The following P3H3 variants were observed in gnomAD, a reference collection of about 807,000 sequenced individuals.
P3H3 encodes gene rich cluster, B.
A neutral mutation model predicts 78.1 loss-of-function variants in P3H3; 64 were observed. That is an observed-to-expected ratio of 0.82 (90% confidence interval 0.67 to 1.01). The LOEUF (loss-of-function observed/expected upper bound fraction) is 1.01. P3H3 is among the 50% of genes least tolerant of loss of function. P3H3 has a pLI of 0.00. For synonymous variants in P3H3, 425 were observed against 416.7 expected (o/e 1.02, Z -0.24); for missense variants, 975 against 982.2 (o/e 0.99, Z 0.10).
In P3H3 at chr12:6,839,020, T is replaced by C; in HGVS notation, c.1926T>C (p.Cys642=). The C allele has an allele frequency of 6.2e-7, 1 of 1,607,274 alleles. No homozygotes were observed. Among genetic ancestry groups the C allele is most frequent in the Non-Finnish European group, 8.5e-7 (1 of 1,176,952 alleles). The part of the protein sequence containing the change: ...LTVTARVRPR[C]GRLVAFSSGV... ...TCCAGGCTCGGGTGCGTCCTCGCTG[T>C]GGGCGCCTTGTGGCCTTCAGCTCCG... is the stretch of plus-strand genomic sequence containing the variant. The change falls in exon 14 of 15, where the codon TGT becomes TGC. Residue 642 remains cysteine, a synonymous_variant. Transcript: ENST00000290510.
In P3H3 at chr12:6,830,643, C is replaced by T. The variant is rs1210067355; in HGVS notation, c.858C>T (p.His286=). ...QGGLYEAIAG[H]WIQVLQCRQR... The stretch of plus-strand genomic sequence containing the variant: ...GCTTATGGGTTTCCTCTGCAGGACA[C>T]TGGATTCAGGTCCTGCAGTGCCGGC... The change falls in exon 4 of 15, where the codon CAC becomes CAT. Residue 286 remains histidine, a synonymous_variant. Coordinates refer to ENST00000290510, the MANE Select transcript of P3H3 (RefSeq NM_014262.5). 1 of 1,611,368 alleles carries T rather than the reference C, an allele frequency of 6.2e-7. No individual in the cohort carries two copies. Among genetic ancestry groups the T allele is most frequent in the African/African-American group, 1.3e-5 (1 of 74,812 alleles).
chr12:6,837,579 A>G lies in P3H3; in HGVS notation c.1711+6A>G. ...GTGCCGCAGCGCCATAGAAGGTACGACAGGGACCCCCCACTGCTCTTCTCC... is the reference window on the plus strand; with the variant it reads ...GTGCCGCAGCGCCATAGAAGGTACGGCAGGGACCCCCCACTGCTCTTCTCC... On this transcript the variant is annotated splice_donor_region_variant and intron_variant, in intron 11 of 14. Coordinates refer to ENST00000290510, the MANE Select transcript of P3H3 (RefSeq NM_014262.5). The G allele has an allele frequency of 6.2e-7, 1 of 1,611,346 alleles. No homozygotes were observed.
chr12:6,835,499 G>A (rs909731991), intron 9 of P3H3, among the ~76,000 whole-genome samples: 3 of 151,986 alleles, frequency 2.0e-5, no homozygotes, highest in South Asian at 2.1e-4. Flanking sequence ...CAGGAGAATC[G>A]CTTGGACCCA....
intron 9 of P3H3, among the ~76,000 whole-genome samples, chr12:6,835,687 G>A (rs1361164550): frequency 1.3e-5 from 2 of 152,146 alleles, no homozygotes; most frequent in Non-Finnish European, 2.9e-5. Flanking sequence ...TAGGGAAAGA[G>A]GGAGAGAGCC....
chr12:6,839,115 C>T lies in P3H3; in HGVS notation c.2021C>T (p.Thr674Met), dbSNP rs782219273. The T allele has an allele frequency of 8.7e-6, 14 of 1,606,206 alleles. No homozygotes were observed. The highest frequency in any genetic ancestry group is 1.7e-4 in the Middle Eastern group (1 of 6,054). Reference protein sequence around the residue: ...GRRCALALWHTWAPEHREQEW... With the variant: ...GRRCALALWHMWAPEHREQEW... ...CGCTGTGCCCTGGCACTGTGGCACA[C>T]GTGGGCACCTGAGCACAGGGAGCAG... The change falls in exon 14 of 15, where the codon ACG becomes ATG. Residue 674 changes from threonine (T) to methionine (M), a missense_variant. By Grantham distance (81) the Thr-to-Met change is moderately conservative. Transcript: ENST00000290510.
intron 9 of P3H3, among the ~76,000 whole-genome samples, chr12:6,836,702 C>T (rs1406995903): frequency 6.6e-6 from 1 of 152,200 alleles, no homozygotes; most frequent in East Asian, 1.9e-4. Context: ...CTGTCCCTAC[C>T]CTCTCAGAGG....
Position 6,828,470 on chromosome 12 carries a change from ACTGCTG to A in P3H3, c.38_43del (p.Leu13_Leu14del). 1 of 1,231,276 alleles carries A rather than the reference ACTGCTG, an allele frequency of 8.1e-7. No individual in the cohort carries two copies. Among genetic ancestry groups the A allele is most frequent in the Non-Finnish European group, 1.1e-6 (1 of 912,312 alleles). The allele number at this position is 1,231,276 out of a possible 1,614,324, so 76.3% of individuals were successfully genotyped here. On this transcript the variant is annotated inframe_deletion, in exon 1 of 15. Transcript: ENST00000290510. ...TCCGGCTCCTCCGGCCGCTGCTGCT[ACTGCTG>A]CTGCTGCCTCCCCCGGGGTCCCCTG...
In P3H3 at chr12:6,839,780, TG is replaced by T; in HGVS notation, c.*323del. 3.0e-6 allele frequency: 1 copy of T among 336,112 alleles called. No homozygotes were observed. Among genetic ancestry groups the T allele is most frequent in the Admixed American group, 4.0e-5 (1 of 25,090 alleles). 20.8% of individuals were successfully genotyped at this position (336,112 alleles called of 1,614,324 possible). A position where few individuals can be genotyped will look rare whatever the true frequency, so the allele number is the denominator to read the frequency against. On this transcript the variant is annotated 3_prime_UTR_variant, in exon 15 of 15. Coordinates refer to ENST00000290510, the MANE Select transcript of P3H3 (RefSeq NM_014262.5). Reference sequence around the variant, plus strand: ...CTGATGCTTTAAATGAAGAGGATGGTGGGGTTGGGAGGTATAACCCTGCTCC... The same window carrying T: ...CTGATGCTTTAAATGAAGAGGATGGTGGGTTGGGAGGTATAACCCTGCTCC...
At chr12:6,830,946 C>A in intron 4 of P3H3, 176 bp downstream of exon 4, 1 of 952,252 alleles carries the variant, frequency 1.1e-6, no homozygotes, top group Non-Finnish European at 1.7e-6. Flanking sequence ...CTGTGACAAG[C>A]TCAGGAGATG....
chr12:6,835,981 T>G (rs1446047353), intron 9 of P3H3, among the ~76,000 whole-genome samples: 1 of 151,826 alleles, frequency 6.6e-6, no homozygotes, highest in East Asian at 1.9e-4. Context: ...ATCCCAGCAC[T>G]TTGGGAGGCT....
chr12:6,828,786 C>G lies in P3H3; in HGVS notation c.346C>G (p.Arg116Gly). The change falls in exon 1 of 15, where the codon CGT (arginine) becomes GGT (glycine). Residue 116 changes from arginine (R) to glycine (G), a missense_variant. Transcript: ENST00000290510. Reference sequence around the variant, plus strand: ...GGGGTCCTGGGAGCGACAGCTTCTCCGTGCAGCGCTCCGCCGCGCAGACTG... The same window carrying G: ...GGGGTCCTGGGAGCGACAGCTTCTCGGTGCAGCGCTCCGCCGCGCAGACTG... ...TQGSWERQLL[R>G]AALRRADCLT... 7.3e-6 allele frequency: 9 copies of G among 1,237,724 alleles called. No homozygotes were observed. The highest frequency in any genetic ancestry group is 3.7e-5 in the South Asian group (1 of 27,328). 76.7% of individuals were successfully genotyped at this position (1,237,724 alleles called of 1,614,324 possible). A position where few individuals can be genotyped will look rare whatever the true frequency, so the allele number is the denominator to read the frequency against.
rs782394569 is a variant in P3H3, at chr12:6,831,799, C to G, written c.1123-26C>G. 2.0e-6 allele frequency: 3 copies of G among 1,473,134 alleles called. No homozygotes were observed. Among genetic ancestry groups the G allele is most frequent in the African/African-American group, 1.4e-5 (1 of 72,190 alleles). The allele number at this position is 1,473,134 out of a possible 1,614,324, so 91.3% of individuals were successfully genotyped here. A position where few individuals can be genotyped will look rare whatever the true frequency, so the allele number is the denominator to read the frequency against. On this transcript the variant is annotated intron_variant, in intron 5 of 14. Transcript: ENST00000290510. This position sits in a 1 kb window ranked among gnomAD's most constrained non-coding sequence, Gnocchi z 4.6. ...CTTCCCTGCCTTCCTCCAGCTACCCCTCACTGCTCATCATCTCACCCTCAG... is the reference window on the plus strand; with the variant it reads ...CTTCCCTGCCTTCCTCCAGCTACCCGTCACTGCTCATCATCTCACCCTCAG...
At chr12:6,830,581 GGTC>G in intron 3 of P3H3, 27 bp downstream of exon 3, 1 of 1,581,986 alleles carries the variant, frequency 6.3e-7, no homozygotes, top group Non-Finnish European at 8.6e-7. Flanking sequence ...TGAGGGGGTG[GGTC>G]GGTGCCCAGG....
rs1555122777 is a variant in P3H3, at chr12:6,839,427, C to A, written c.2177C>A (p.Thr726Asn). The A allele has an allele frequency of 3.2e-6, 5 of 1,551,848 alleles. No individual in the cohort carries two copies. The highest frequency in any genetic ancestry group is 3.5e-6 in the Non-Finnish European group (4 of 1,147,086). Residue 726 changes from threonine (T) to asparagine (N), a missense_variant, in exon 15 of 15, where the codon ACT (threonine) becomes AAT (asparagine). Transcript: ENST00000290510. ...SRRHQRVQDK[T>N]GRAPRVREEL Reference sequence around the variant, plus strand: ...AGGCACCAGAGGGTCCAAGACAAGACTGGAAGGGCACCTCGGGTTCGGGAG... The same window carrying A: ...AGGCACCAGAGGGTCCAAGACAAGAATGGAAGGGCACCTCGGGTTCGGGAG...
chr12:6,839,247 C>T, intron 14 of P3H3, 50 bp from the exon 15 acceptor site: 1 of 1,562,700 alleles, frequency 6.4e-7, no homozygotes, highest in Non-Finnish European at 8.7e-7. Flanking sequence ...TGAGCTGACC[C>T]AGGGAAGGTG....
intron 14 of P3H3, 60 bp from the exon 15 acceptor site, chr12:6,839,237 T>G (rs1943534019): frequency 2.6e-6 from 4 of 1,565,722 alleles, no homozygotes; most frequent in Non-Finnish European, 3.5e-6. Context: ...GGTCAGGGGC[T>G]GAGCTGACCC....
chr12:6,831,887 G>A lies in P3H3; in HGVS notation c.1185G>A (p.Glu395=). Residue 395 remains glutamate (E), a synonymous_variant, in exon 6 of 15, where the codon GAG becomes GAA. Coordinates refer to ENST00000290510, the MANE Select transcript of P3H3 (RefSeq NM_014262.5). This position sits in a 1 kb window ranked among gnomAD's most constrained non-coding sequence, Gnocchi z 4.6. ...GEKRQLYYAM[E]HLGTSFKDPD... Reference sequence around the variant, plus strand: ...AGAGGCAGCTCTACTATGCCATGGAGCACCTGGGGACCAGCTTCAAGGATC... The same window carrying A: ...AGAGGCAGCTCTACTATGCCATGGAACACCTGGGGACCAGCTTCAAGGATC... The A allele has an allele frequency of 5.6e-6, 9 of 1,606,400 alleles. No individual in the cohort carries two copies. The highest frequency in any genetic ancestry group is 7.7e-6 in the Non-Finnish European group (9 of 1,175,100).
In P3H3 at chr12:6,839,134, G is replaced by A; in HGVS notation, c.2040G>A (p.Arg680=). Reference sequence around the variant, plus strand: ...GGCACACGTGGGCACCTGAGCACAGGGAGCAGGTAAGGAGCGGGGTAGGAA... The same window carrying A: ...GGCACACGTGGGCACCTGAGCACAGAGAGCAGGTAAGGAGCGGGGTAGGAA... The part of the protein sequence containing the change: ...ALWHTWAPEH[R]EQEWIEAKEL... Residue 680 remains arginine, a synonymous_variant, in exon 14 of 15, where the codon AGG becomes AGA. Coordinates refer to ENST00000290510, the MANE Select transcript of P3H3 (RefSeq NM_014262.5). The A allele has an allele frequency of 6.2e-7, 1 of 1,601,350 alleles. No homozygotes were observed.
chr12:6,834,231 A>G (rs148192400), intron 9 of P3H3, among the ~76,000 whole-genome samples, 182 bp downstream of exon 9: 57 of 152,336 alleles, frequency 3.7e-4, no homozygotes, highest in Non-Finnish European at 7.5e-4. Context: ...ACATAGGTGG[A>G]TGTTCTTTAC....
Sources: allele counts gnomAD v4.1 joint callset (sites outside exome capture counted in the v4.1 genomes callset), GRCh38; gene constraint gnomAD v4.1.1; non-coding constraint Gnocchi (gnomAD v3.1); transcripts MANE v1.5; gene names NCBI Gene and HGNC (gene_info 2026-07-23, HGNC 2026-07-21).